GARIN5A: variants seen among roughly 807,000 people sequenced by gnomAD.
The protein encoded by GARIN5A is Golgi-associated RAB2 interactor protein 5A.
chr19:50,469,285 G>C, the GARIN5A span, among the ~76,000 whole-genome samples: 1 of 152,098 alleles, frequency 6.6e-6, no homozygotes, highest in Non-Finnish European at 1.5e-5. Context: ...GGCAAGACCC[G>C]CCCCCTCATC....
the GARIN5A span, chr19:50,476,261 A>G: frequency 2.5e-6 from 4 of 1,610,752 alleles, no homozygotes; most frequent in Non-Finnish European, 2.5e-6. Context: ...AGGGGGCGGG[A>G]CTACGCGCAC....
chr19:50,476,225 G>C, the GARIN5A span: 4 of 1,613,648 alleles, frequency 2.5e-6, no homozygotes, highest in East Asian at 2.2e-5. Flanking sequence ...CGACGGGAGC[G>C]GACGGAGGAG....
the GARIN5A span, chr19:50,476,808 G>A: frequency 3.6e-6 from 2 of 562,128 alleles, no homozygotes; most frequent in Non-Finnish European, 6.1e-6. Flanking sequence ...AGTCACGCAC[G>A]CGCAGGAGGG....
the GARIN5A span, among the ~76,000 whole-genome samples, chr19:50,472,191 T>TGTATACGTATGTATGC: frequency 7.2e-3 from 1,053 of 145,942 alleles, 14 homozygotes; most frequent in Middle Eastern, 0.049. Context: ...TGTATACATG[T>TGTATACGTATGTATGC]ATGTGTGCAT....
chr19:50,476,435 TGCCGGGGCCCAGCGCAGGC>T, the GARIN5A span: 1 of 1,550,394 alleles, frequency 6.4e-7, no homozygotes, highest in South Asian at 1.2e-5. Flanking sequence ...AGTGCGCAGG[TGCCGGGGCCCAGCGCAGGC>T]GCACGGGCGT....
At chr19:50,476,817 G>A in the GARIN5A span, 4 of 547,230 alleles carry the variant, frequency 7.3e-6, no homozygotes, top group African/African-American at 8.0e-5. Flanking sequence ...CGCGCAGGAG[G>A]GGCCTCGCCA....
At chr19:50,476,410 G>A in the GARIN5A span, 34 of 1,545,810 alleles carry the variant, frequency 2.2e-5, no homozygotes, top group South Asian at 2.3e-4. Flanking sequence ...CAGGCCCCAG[G>A]TGCGGACGGG....
the GARIN5A span, chr19:50,475,743 G>A: frequency 1.1e-6 from 1 of 937,684 alleles, no homozygotes; most frequent in Non-Finnish European, 1.7e-6. Flanking sequence ...CCACGAGATG[G>A]ACGTTATGGG....
chr19:50,476,550 G>T, the GARIN5A span: 1 of 1,572,916 alleles, frequency 6.4e-7, no homozygotes. Flanking sequence ...CCGAGATGGC[G>T]GCAGCCAGCG....
chr19:50,474,279 A>C, the GARIN5A span, among the ~76,000 whole-genome samples: 1 of 150,938 alleles, frequency 6.6e-6, no homozygotes, highest in Non-Finnish European at 1.5e-5. Flanking sequence ...TCTTGGGTTC[A>C]AGCAATTCTC....
chr19:50,467,725 G>A, the GARIN5A span: 1 of 1,602,864 alleles, frequency 6.2e-7, no homozygotes, highest in Non-Finnish European at 8.5e-7. Context: ...CTTGAGTGGG[G>A]CCCGCAGCTG....
chr19:50,476,236 C>G, the GARIN5A span: 1 of 1,613,362 alleles, frequency 6.2e-7, no homozygotes, highest in Non-Finnish European at 8.5e-7. Flanking sequence ...GACGGAGGAG[C>G]AGAGGGAGAA....
the GARIN5A span, chr19:50,476,067 G>A: frequency 1.2e-6 from 2 of 1,608,170 alleles, no homozygotes; most frequent in African/African-American, 1.3e-5. Context: ...CGAATTGCCG[G>A]CCCCATCCTA....
At chr19:50,467,062 A>T in the GARIN5A span, 1 of 152,842 alleles carries the variant, frequency 6.5e-6, no homozygotes, top group African/African-American at 2.4e-5. Flanking sequence ...CAGGTGTCCT[A>T]AGAGGGGGCA....
the GARIN5A span, chr19:50,467,904 C>T: frequency 1.6e-6 from 2 of 1,290,146 alleles, no homozygotes; most frequent in East Asian, 4.9e-5. Context: ...CAGGGGTCCC[C>T]ACCTTGCCAC....
At chr19:50,473,308 C>T in the GARIN5A span, among the ~76,000 whole-genome samples, 2 of 152,016 alleles carry the variant, frequency 1.3e-5, no homozygotes, top group African/African-American at 4.8e-5. Context: ...TCTATTTCTC[C>T]CTCCTTACTT....
chr19:50,476,161 T>G, the GARIN5A span: 1 of 1,613,428 alleles, frequency 6.2e-7, no homozygotes, highest in African/African-American at 1.3e-5. Flanking sequence ...CCTCGCCAGC[T>G]CCACCCAGGG....
At chr19:50,467,283 G>A in the GARIN5A span, among the ~76,000 whole-genome samples, 1 of 151,974 alleles carries the variant, frequency 6.6e-6, no homozygotes, top group African/African-American at 2.4e-5. Flanking sequence ...AGTAGGATAC[G>A]ACAGCCCCCT....
chr19:50,476,447 G>C, the GARIN5A span: 3 of 1,560,056 alleles, frequency 1.9e-6, no homozygotes, highest in Non-Finnish European at 2.6e-6. Flanking sequence ...CCGGGGCCCA[G>C]CGCAGGCGCA....
Sources: allele counts gnomAD v4.1 joint callset (sites outside exome capture counted in the v4.1 genomes callset), GRCh38; gene constraint gnomAD v4.1.1; transcripts MANE v1.5; gene names NCBI Gene and HGNC (gene_info 2026-07-23, HGNC 2026-07-21).